Variants in TSPAN18 observed in about 807,000 individuals in gnomAD.
TSPAN18 encodes tetraspanin-18.
In TSPAN18, 14 loss-of-function variants were observed where a neutral mutation model predicts 27.3. The observed-to-expected ratio is 0.51, with a 90% CI of 0.34 to 0.80. The LOEUF (loss-of-function observed/expected upper bound fraction) is 0.80, where lower values mean the gene tolerates loss of function less well. Among genes scored for constraint, TSPAN18 ranks in the 30% least tolerant of loss-of-function variants. The pLI, the probability that TSPAN18 is intolerant of heterozygous loss-of-function variation, is 0.01. For missense variants in TSPAN18, 268 were observed against 323.9 expected (o/e 0.83, Z 1.32); for synonymous variants, 143 against 136.5 (o/e 1.05, Z -0.33).
intron 1 of TSPAN18, among the ~76,000 whole-genome samples, chr11:44,763,307 G>A (rs1855495011): frequency 6.6e-6 from 1 of 152,106 alleles, no homozygotes; most frequent in South Asian, 2.1e-4. Flanking sequence ...CTGTGCATGT[G>A]ACTGAGCCAA....
chr11:44,731,852 C>G (rs1854669459), intron 1 of TSPAN18, among the ~76,000 whole-genome samples: 1 of 152,148 alleles, frequency 6.6e-6, no homozygotes, highest in Admixed American at 6.5e-5. Context: ...ATTTCATCAG[C>G]TAGCATTTGC....
intron 1 of TSPAN18, among the ~76,000 whole-genome samples, chr11:44,734,760 G>A (rs928953132): frequency 2.0e-5 from 3 of 152,204 alleles, no homozygotes; most frequent in East Asian, 1.9e-4. Flanking sequence ...AGGGCTGGGG[G>A]TGTTGCTGAG....
chr11:44,757,619 A>G (rs944110754), intron 1 of TSPAN18, among the ~76,000 whole-genome samples: 1 of 152,132 alleles, frequency 6.6e-6, no homozygotes, highest in African/African-American at 2.4e-5. Context: ...TCTTGGGCTC[A>G]AGAGATCTGC....
intron 3 of TSPAN18, among the ~76,000 whole-genome samples, chr11:44,877,925 A>G (rs558598591): frequency 1.3e-5 from 2 of 152,100 alleles, no homozygotes; most frequent in African/African-American, 4.8e-5. Flanking sequence ...AATACCCTGT[A>G]CTGTGGACAG....
intron 3 of TSPAN18, among the ~76,000 whole-genome samples, chr11:44,890,009 C>T (rs1031578498): frequency 1.3e-5 from 2 of 152,194 alleles, no homozygotes; most frequent in Non-Finnish European, 2.9e-5. Context: ...CGGTCCTGCC[C>T]CACAGGCTCG....
At chr11:44,899,243 G>A (rs1859171829) in intron 3 of TSPAN18, among the ~76,000 whole-genome samples, 1 of 152,150 alleles carries the variant, frequency 6.6e-6, no homozygotes, top group Admixed American at 6.5e-5. Context: ...TAGCATGTTC[G>A]TTTTTGTTCT....
At chr11:44,729,626 CT>C (rs1854603351) in intron 1 of TSPAN18, among the ~76,000 whole-genome samples, 1 of 152,194 alleles carries the variant, frequency 6.6e-6, no homozygotes, top group African/African-American at 2.4e-5. Flanking sequence ...ATATGTGGTG[CT>C]TTTACCCAAC....
At chr11:44,854,060 G>A (rs775582357) in intron 2 of TSPAN18, among the ~76,000 whole-genome samples, 2 of 152,240 alleles carry the variant, frequency 1.3e-5, no homozygotes, top group East Asian at 3.9e-4. Flanking sequence ...TGTATTAATC[G>A]TATTGATTAA....
At chr11:44,796,649 T>C (rs1856356999) in intron 2 of TSPAN18, among the ~76,000 whole-genome samples, 1 of 152,100 alleles carries the variant, frequency 6.6e-6, no homozygotes, top group African/African-American at 2.4e-5. Flanking sequence ...TTTTATGTAC[T>C]AGGGAACTAA....
At position 44,930,112 on chromosome 11, in the gene TSPAN18, C is replaced by A. The variant is rs1274242505; in HGVS notation, c.*934C>A. 2 of 152,554 alleles carry A rather than the reference C, an allele frequency of 1.3e-5. No individual in the cohort carries two copies. Among genetic ancestry groups the A allele is most frequent in the East Asian group, 3.8e-4 (2 of 5,196 alleles). 9.5% of individuals were successfully genotyped at this position (152,554 alleles called of 1,614,324 possible). A position where few individuals can be genotyped will look rare whatever the true frequency, so the allele number is the denominator to read the frequency against. The stretch of plus-strand genomic sequence containing the variant: ...GGTGCACATCACATTCCCTTGTCCA[C>A]ACTGCCCGCCTCTCCCACATGCCAC... On this transcript the variant is annotated 3_prime_UTR_variant, in exon 10 of 10. Coordinates refer to ENST00000520358, the MANE Select transcript of TSPAN18 (RefSeq NM_130783.5).
intron 7 of TSPAN18, 116 bp from the exon 8 acceptor site, chr11:44,919,701 C>A: frequency 9.5e-7 from 1 of 1,053,360 alleles, no homozygotes; most frequent in Non-Finnish European, 1.5e-6. Context: ...CAGGTGGAGC[C>A]CGCCCACACC....
intron 2 of TSPAN18, among the ~76,000 whole-genome samples, chr11:44,854,831 G>C (rs1003287869): frequency 4.6e-5 from 7 of 152,122 alleles, no homozygotes; most frequent in Admixed American, 3.3e-4. Flanking sequence ...ACTGAGCTTG[G>C]AGGCCTCCAA....
chr11:44,812,509 C>T (rs1307367020), intron 2 of TSPAN18, among the ~76,000 whole-genome samples: 1 of 152,174 alleles, frequency 6.6e-6, no homozygotes, highest in Non-Finnish European at 1.5e-5. Flanking sequence ...GACGCATAAA[C>T]AGACTCACAG....
intron 3 of TSPAN18, among the ~76,000 whole-genome samples, chr11:44,868,165 T>A (rs935139339): frequency 6.6e-6 from 1 of 152,072 alleles, no homozygotes; most frequent in Non-Finnish European, 1.5e-5. Flanking sequence ...TGTTACTAGA[T>A]CCTTCCCTCA....
At chr11:44,799,842 A>G (rs1418773257) in intron 2 of TSPAN18, among the ~76,000 whole-genome samples, 2 of 151,966 alleles carry the variant, frequency 1.3e-5, no homozygotes, top group East Asian at 1.9e-4. Flanking sequence ...GTATTTATTT[A>G]TTTATTGAGA....
chr11:44,819,076 C>T (rs561162394), intron 2 of TSPAN18, among the ~76,000 whole-genome samples: 74 of 152,310 alleles, frequency 4.9e-4, no homozygotes, highest in African/African-American at 1.3e-3. Context: ...AAGCCACGGA[C>T]GCGCCTGGTG....
At chr11:44,801,184 A>T (rs1024817042) in intron 2 of TSPAN18, among the ~76,000 whole-genome samples, 2 of 152,234 alleles carry the variant, frequency 1.3e-5, no homozygotes, top group African/African-American at 4.8e-5. Flanking sequence ...AGCAATTGGT[A>T]CATAGGGGTT....
At chr11:44,893,127 A>G (rs1210699529) in intron 3 of TSPAN18, among the ~76,000 whole-genome samples, 2 of 152,186 alleles carry the variant, frequency 1.3e-5, no homozygotes, top group Non-Finnish European at 2.9e-5. Context: ...CGATTCTCTG[A>G]TGGCCCTGTG....
intron 3 of TSPAN18, among the ~76,000 whole-genome samples, chr11:44,871,512 G>A (rs1425020477): frequency 6.6e-6 from 1 of 152,190 alleles, no homozygotes; most frequent in East Asian, 1.9e-4. Context: ...CACATCACCA[G>A]TAAGTGATGG....
Sources: allele counts gnomAD v4.1 joint callset (sites outside exome capture counted in the v4.1 genomes callset), GRCh38; gene constraint gnomAD v4.1.1; transcripts MANE v1.5; gene names NCBI Gene and HGNC (gene_info 2026-07-23, HGNC 2026-07-21).